NCOA3: variants seen among roughly 807,000 people sequenced by gnomAD.
NCOA3 encodes CBP-interacting protein.
A neutral mutation model predicts 158.8 loss-of-function variants in NCOA3; 51 were observed. That is an observed-to-expected ratio of 0.32 (90% CI 0.26 to 0.41). NCOA3 has a LOEUF of 0.41. Ranked by LOEUF, NCOA3 falls within the 10% of genes least tolerant of loss-of-function variation. The pLI is 1.00. For synonymous variants in NCOA3, 537 were observed against 592.4 expected (o/e 0.91, Z 1.36); for missense variants, 1,510 against 1,746.6 (o/e 0.86, Z 2.41).
chr20:47,570,935 TATATAC>T (rs1487861343), intron 1 of NCOA3, among the ~76,000 whole-genome samples: 7 of 56,956 alleles, frequency 1.2e-4, no homozygotes, highest in East Asian at 7.6e-4. Flanking sequence ...AGCAGTAATA[TATATAC>T]ACACACACAC....
At chr20:47,522,346 C>T (rs193133680) in intron 1 of NCOA3, among the ~76,000 whole-genome samples, 5 of 151,542 alleles carry the variant, frequency 3.3e-5, no homozygotes, top group East Asian at 1.9e-4. Flanking sequence ...TCGTGATCTG[C>T]CCGCGTCGGC....
At chr20:47,577,778 T>G (rs1004806063) in intron 1 of NCOA3, among the ~76,000 whole-genome samples, 3 of 152,192 alleles carry the variant, frequency 2.0e-5, no homozygotes, top group African/African-American at 7.2e-5. Context: ...CTTTACAAAA[T>G]CTAGGTTTTC....
intron 2 of NCOA3, among the ~76,000 whole-genome samples, chr20:47,592,955 C>G (rs2146242474): frequency 6.6e-6 from 1 of 152,060 alleles, no homozygotes; most frequent in East Asian, 1.9e-4. Context: ...TTTTTTGAGA[C>G]AGAGTTTTGC....
chr20:47,517,477 G>A (rs1246853382), intron 1 of NCOA3, among the ~76,000 whole-genome samples: 1 of 137,804 alleles, frequency 7.3e-6, no homozygotes, highest in Non-Finnish European at 1.5e-5. Flanking sequence ...TTGAGAAGGA[G>A]TCTTGCTCTG....
intron 2 of NCOA3, among the ~76,000 whole-genome samples, chr20:47,620,932 T>C (rs1239159730): frequency 1.3e-5 from 2 of 152,224 alleles, no homozygotes; most frequent in Non-Finnish European, 2.9e-5. Flanking sequence ...TCTTTGTCTT[T>C]TGTGACATTG....
chr20:47,542,133 C>T (rs756880987), intron 1 of NCOA3, among the ~76,000 whole-genome samples: 1 of 149,258 alleles, frequency 6.7e-6, no homozygotes, highest in Non-Finnish European at 1.5e-5. Flanking sequence ...TTGGCTCAAG[C>T]GATCCTCCCA....
In NCOA3 at chr20:47,573,467, A is replaced by G. The variant is rs529419413; in HGVS notation, c.-98-9716A>G. Reference sequence around the variant, plus strand: ...CACCATAAGAGATAAAATAATAATGAAAAAGCTTCTTGAGATAATAGGAGC... The same window carrying G: ...CACCATAAGAGATAAAATAATAATGGAAAAGCTTCTTGAGATAATAGGAGC... On this transcript the variant is annotated intron_variant, in intron 1 of 22. Coordinates refer to ENST00000371998, the MANE Select transcript of NCOA3 (RefSeq NM_181659.3). 1.3e-3 allele frequency among the ~76,000 whole-genome samples: 194 copies of G among 152,314 alleles called. 1 individual carries two copies. Among genetic ancestry groups the G allele is most frequent in the Admixed American group, 4.1e-3 (62 of 15,296 alleles).
At chr20:47,646,538 T>G (rs2086688608) in intron 17 of NCOA3, among the ~76,000 whole-genome samples, 1 of 152,128 alleles carries the variant, frequency 6.6e-6, no homozygotes, top group African/African-American at 2.4e-5. Context: ...AACCAAAAGT[T>G]CAGAGATGTT....
intron 1 of NCOA3, among the ~76,000 whole-genome samples, chr20:47,570,024 A>C (rs13038750): frequency 0.23 from 34,632 of 152,008 alleles, 4,478 homozygotes; most frequent in Middle Eastern, 0.33. Flanking sequence ...AAAACAACAA[A>C]AAAAAAACCC....
At chr20:47,597,431 C>T (rs1363469506) in intron 2 of NCOA3, among the ~76,000 whole-genome samples, 16 of 151,154 alleles carry the variant, frequency 1.1e-4, no homozygotes, top group Non-Finnish European at 5.9e-5. Context: ...ACTGATGAGC[C>T]CATCAAAGGC....
chr20:47,566,513 C>G (rs76866903), intron 1 of NCOA3, among the ~76,000 whole-genome samples: 1 of 151,488 alleles, frequency 6.6e-6, no homozygotes, highest in South Asian at 2.1e-4. Flanking sequence ...TCTATATCAC[C>G]TTATTTATTT....
rs570108859 is a variant in NCOA3, at chr20:47,515,485, T to G, written c.-99+13466T>G. Among the ~76,000 whole-genome samples, 5 of 149,426 alleles carry G rather than the reference T, an allele frequency of 3.3e-5. No homozygotes were observed. The South Asian group carries it at 1.1e-3, about 32-fold the overall frequency. On this transcript the variant is annotated intron_variant, in intron 1 of 22. Transcript: ENST00000371998. Reference sequence around the variant, plus strand: ...TTTTCTTTCTTTCTTTTTTTTTTTTTTTTTTCTTTTTTTTAAGACAGGTCA... The same window carrying G: ...TTTTCTTTCTTTCTTTTTTTTTTTTGTTTTTCTTTTTTTTAAGACAGGTCA...
At chr20:47,614,884 A>G (rs897799600) in intron 2 of NCOA3, among the ~76,000 whole-genome samples, 1 of 152,184 alleles carries the variant, frequency 6.6e-6, no homozygotes. Flanking sequence ...GCATGCCCCT[A>G]AACTATGGCT....
chr20:47,596,200 T>A (rs981325867), intron 2 of NCOA3, among the ~76,000 whole-genome samples: 1 of 152,232 alleles, frequency 6.6e-6, no homozygotes, highest in Non-Finnish European at 1.5e-5. Context: ...ATTAACTTCA[T>A]TTAAAAAACT....
Position 47,636,662 on chromosome 20 carries a change from T to C in NCOA3, c.2276T>C (p.Val759Ala). 1 of 1,614,058 alleles carries C rather than the reference T, an allele frequency of 6.2e-7. No individual in the cohort carries two copies. The highest frequency in any genetic ancestry group is 2.2e-5 in the East Asian group (1 of 44,876). Residue 759 changes from valine to alanine, a missense_variant, in exon 12 of 23, where the codon GTG (valine) becomes GCG (alanine). Val to Ala is a moderately conservative substitution (Grantham distance 64, BLOSUM62 0). Coordinates refer to ENST00000371998, the MANE Select transcript of NCOA3 (RefSeq NM_181659.3). ...DALSKELQPQVEGVDNKMSQC... is the reference protein window; with the variant it reads ...DALSKELQPQAEGVDNKMSQC... Reference sequence around the variant, plus strand: ...CTCTCTAAAGAACTACAGCCCCAAGTGGAAGGAGTGGATAATAAAATGAGT... The same window carrying C: ...CTCTCTAAAGAACTACAGCCCCAAGCGGAAGGAGTGGATAATAAAATGAGT...
In NCOA3 at chr20:47,585,686, AG is replaced by A. The variant is rs568484095; in HGVS notation, c.-20+2426del. On this transcript the variant is annotated intron_variant, in intron 2 of 22. Coordinates refer to ENST00000371998, the MANE Select transcript of NCOA3 (RefSeq NM_181659.3). ...TTGTCCACTCACTTAAAATTTAGCTAGATTTTCCTAAATGTATACTTTTAGC... is the reference window on the plus strand; with the variant it reads ...TTGTCCACTCACTTAAAATTTAGCTAATTTTCCTAAATGTATACTTTTAGC... Among the ~76,000 whole-genome samples the A allele has an allele frequency of 4.6e-3, 706 of 152,254 alleles. 6 individuals are homozygous for A. Among genetic ancestry groups the A allele is most frequent in the African/African-American group, 0.016 (666 of 41,544 alleles).
At chr20:47,633,738 C>A in intron 9 of NCOA3, 102 bp downstream of exon 9, 1 of 1,309,968 alleles carries the variant, frequency 7.6e-7, no homozygotes, top group Non-Finnish European at 1.1e-6. Flanking sequence ...TTTAATTGAC[C>A]CTTCTGCCTC....
rs78641790 is a variant in NCOA3, at chr20:47,535,889, C to T, written c.-99+33870C>T. Among the ~76,000 whole-genome samples, 228 of 152,190 alleles carry T rather than the reference C, an allele frequency of 1.5e-3. 2 individuals carry two copies. The highest frequency in any genetic ancestry group is 5.2e-3 in the African/African-American group (214 of 41,540). On this transcript the variant is annotated intron_variant, in intron 1 of 22. Transcript: ENST00000371998. The stretch of plus-strand genomic sequence containing the variant: ...AAGAGGGATGGAGAGGGAAGGTGAT[C>T]TTCCCCTGGAGCTGGGCTGCCCAGC...
Position 47,652,515 on chromosome 20 carries a change from G to A in NCOA3, c.4056G>A (p.Gln1352=). The A allele has an allele frequency of 1.2e-6, 2 of 1,614,028 alleles. No homozygotes were observed. Among genetic ancestry groups the A allele is most frequent in the Admixed American group, 1.7e-5 (1 of 60,022 alleles). The part of the protein sequence containing the change: ...PSQNPMMQHP[Q]AASIYQSSEM... ...AGAATCCCATGATGCAACACCCGCA[G>A]GCTGCATCCATCTATCAGTCCTCAG... is the stretch of plus-strand genomic sequence containing the variant. Residue 1352 remains glutamine (Q), a synonymous_variant, in exon 21 of 23, where the codon CAG becomes CAA. Coordinates refer to ENST00000371998, the MANE Select transcript of NCOA3 (RefSeq NM_181659.3).
Sources: allele counts gnomAD v4.1 joint callset (sites outside exome capture counted in the v4.1 genomes callset), GRCh38; gene constraint gnomAD v4.1.1; transcripts MANE v1.5; gene names NCBI Gene and HGNC (gene_info 2026-07-23, HGNC 2026-07-21).